Variants in PCNT observed in about 807,000 individuals in gnomAD.
The protein encoded by PCNT is pericentrin.
Under a neutral mutation model 380.4 loss-of-function variants are expected in PCNT, and 319 were observed. That is an observed-to-expected ratio of 0.84 (90% CI 0.77 to 0.92). The LOEUF is 0.92. PCNT is among the 40% of genes least tolerant of loss of function. The pLI, the probability that PCNT is intolerant of heterozygous loss-of-function variation, is 0.00. For missense variants in PCNT, 4,400 were observed against 4,255.3 expected (o/e 1.03, Z -0.95); for synonymous variants, 1,845 against 1,735.2 (o/e 1.06, Z -1.57).
intron 3 of PCNT, among the ~76,000 whole-genome samples, chr21:46,340,712 C>T (rs1044065577): frequency 6.6e-6 from 1 of 152,144 alleles, no homozygotes; most frequent in African/African-American, 2.4e-5. Flanking sequence ...CTCTGTTGCC[C>T]AGACTGGAGT....
rs771959458 is a variant in PCNT, at chr21:46,431,973, A to G, written c.8509A>G (p.Lys2837Glu). The change falls in exon 38 of 47, where the codon AAG becomes GAG. Residue 2837 changes from lysine to glutamate, a missense_variant. Physicochemically the swap from Lys to Glu is moderately conservative, Grantham distance 56. Coordinates refer to ENST00000359568, the MANE Select transcript of PCNT (RefSeq NM_006031.6). Reference protein sequence around the residue: ...QKHCEALRREKEVSATLKSTV... With the variant: ...QKHCEALRREEEVSATLKSTV... ...GCACTGTGAGGCGCTCAGGAGAGAG[A>G]AGGAGGTAAGTGCCACACTGAAGTC... The G allele has an allele frequency of 1.7e-5, 27 of 1,613,952 alleles. No individual in the cohort carries two copies. In the South Asian group the frequency reaches 2.9e-4, roughly 17 times the overall value.
At chr21:46,400,038 G>A (rs1007524859) in intron 25 of PCNT, among the ~76,000 whole-genome samples, 1 of 152,136 alleles carries the variant, frequency 6.6e-6, no homozygotes, top group African/African-American at 2.4e-5. Flanking sequence ...ATTTCTTTAT[G>A]TCTCAAGAAC....
At chr21:46,434,518 C>T (rs966556023) in intron 38 of PCNT, among the ~76,000 whole-genome samples, 24 of 152,260 alleles carry the variant, frequency 1.6e-4, no homozygotes, top group African/African-American at 5.1e-4. Flanking sequence ...GCCCCAGCGG[C>T]GCTGCTGGGA....
chr21:46,393,220 G>A (rs2086093623), intron 21 of PCNT, among the ~76,000 whole-genome samples: 1 of 152,148 alleles, frequency 6.6e-6, no homozygotes. Flanking sequence ...GTCTCTTCAG[G>A]TCCCTTCCTC....
At chr21:46,387,713 C>T (rs1473911706) in intron 17 of PCNT, among the ~76,000 whole-genome samples, 3 of 152,118 alleles carry the variant, frequency 2.0e-5, no homozygotes, top group African/African-American at 4.8e-5. Flanking sequence ...TGTCACCTCA[C>T]GGTCCCCACG....
chr21:46,369,651 C>A (rs1335069563), intron 15 of PCNT, among the ~76,000 whole-genome samples: 1 of 152,240 alleles, frequency 6.6e-6, no homozygotes, highest in African/African-American at 2.4e-5. Context: ...GCATATCACA[C>A]ATGAAGTGTG....
At chr21:46,364,174 T>A (rs1377844849) in intron 14 of PCNT, among the ~76,000 whole-genome samples, 1 of 152,168 alleles carries the variant, frequency 6.6e-6, no homozygotes, top group African/African-American at 2.4e-5. Flanking sequence ...TGGGACAGCT[T>A]TGTGCTCGGA....
At chr21:46,409,947 G>A (rs2086732332) in intron 27 of PCNT, among the ~76,000 whole-genome samples, 1 of 152,336 alleles carries the variant, frequency 6.6e-6, no homozygotes, top group Admixed American at 6.5e-5. Context: ...ACCTTCGTAT[G>A]CTGGCTCCAG....
chr21:46,409,993 G>A (rs1308209554), intron 27 of PCNT, among the ~76,000 whole-genome samples: 4 of 152,228 alleles, frequency 2.6e-5, no homozygotes, highest in East Asian at 1.9e-4. Context: ...GATTATGACC[G>A]TCTTCAGTGC....
chr21:46,397,696 A>T (rs2086254130), intron 22 of PCNT, among the ~76,000 whole-genome samples: 3 of 151,750 alleles, frequency 2.0e-5, no homozygotes, highest in Admixed American at 2.0e-4. Context: ...TCTGAGGGCC[A>T]CCTCCCATGG....
chr21:46,443,599 C>T (rs1031547529), intron 44 of PCNT, among the ~76,000 whole-genome samples: 1 of 152,184 alleles, frequency 6.6e-6, no homozygotes, highest in South Asian at 2.1e-4. Context: ...CCCCCGGAGA[C>T]GGGCTACCCC....
intron 9 of PCNT, among the ~76,000 whole-genome samples, chr21:46,352,860 C>T (rs1315468418): frequency 6.6e-6 from 1 of 152,154 alleles, no homozygotes; most frequent in African/African-American, 2.4e-5. Flanking sequence ...CCCCCACATC[C>T]CTGCCACTTC....
chr21:46,416,925 C>T (rs1249060868), intron 30 of PCNT, 86 bp downstream of exon 30: 1 of 1,374,626 alleles, frequency 7.3e-7, no homozygotes, highest in Non-Finnish European at 1.0e-6. Flanking sequence ...TGTTTGTTCA[C>T]CTCCTGACAG....
intron 32 of PCNT, among the ~76,000 whole-genome samples, chr21:46,424,697 G>T (rs376049142): frequency 4.8e-4 from 8 of 16,562 alleles, no homozygotes; most frequent in South Asian, 1.5e-3. Context: ...CTGCTCCCCC[G>T]GCCCTGCTCC....
In PCNT at chr21:46,428,426, T is replaced by C. The variant is rs2087601365; in HGVS notation, c.7526T>C (p.Leu2509Pro). The C allele has an allele frequency of 6.2e-7, 1 of 1,612,580 alleles. No homozygotes were observed. Reference sequence around the variant, plus strand: ...CTGCAGGAAAAGTCCCTGGAGCATCTTCGCTTGCCGGACCGGAGCAGCCTG... The same window carrying C: ...CTGCAGGAAAAGTCCCTGGAGCATCCTCGCTTGCCGGACCGGAGCAGCCTG... ...GDLQEKSLEHLRLPDRSSLLS... is the reference protein window; with the variant it reads ...GDLQEKSLEHPRLPDRSSLLS... The change falls in exon 35 of 47, where the codon CTT becomes CCT. Residue 2509 changes from leucine to proline, a missense_variant. Physicochemically the swap from Leu to Pro is moderately conservative, Grantham distance 98. Transcript: ENST00000359568.
chr21:46,401,031 G>A (rs1374105305), intron 25 of PCNT, among the ~76,000 whole-genome samples: 3 of 152,172 alleles, frequency 2.0e-5, no homozygotes, highest in Non-Finnish European at 4.4e-5. Flanking sequence ...CTCAGCGAAC[G>A]TTTACTGAGC....
chr21:46,344,090 A>T (rs1424416560), intron 3 of PCNT, among the ~76,000 whole-genome samples: 1 of 142,882 alleles, frequency 7.0e-6, no homozygotes, highest in African/African-American at 2.6e-5. Flanking sequence ...TTTGAGATGG[A>T]GTATCGCTCT....
intron 13 of PCNT, among the ~76,000 whole-genome samples, chr21:46,358,586 T>G (rs1220495210): frequency 6.6e-6 from 1 of 152,076 alleles, no homozygotes; most frequent in Non-Finnish European, 1.5e-5. Flanking sequence ...GAAGACAGAC[T>G]TCCCAAGTGA....
At chr21:46,404,236 CAACAAT>C (rs1227387130) in intron 27 of PCNT, among the ~76,000 whole-genome samples, 1 of 152,246 alleles carries the variant, frequency 6.6e-6, no homozygotes, top group Non-Finnish European at 1.5e-5. Flanking sequence ...CAAAAAACAA[CAACAAT>C]AACAACAAAA....
Sources: gnomAD v4.1 joint callset for allele counts (sites outside exome capture counted in the v4.1 genomes callset) on GRCh38, gnomAD v4.1.1 for gene constraint, MANE v1.5 for transcripts, NCBI Gene and HGNC (gene_info 2026-07-23, HGNC 2026-07-21) for gene names.